The following RBM47 variants were observed in gnomAD, a reference collection of about 807,000 sequenced individuals.
RBM47 encodes RNA-binding protein 47.
A neutral mutation model predicts 47.1 loss-of-function variants in RBM47; 21 were observed. The ratio of observed to expected loss-of-function variants is 0.45; its 90% CI spans 0.32 to 0.64. RBM47 has a LOEUF of 0.64. RBM47 is among the 30% of genes least tolerant of loss of function. The probability of loss-of-function intolerance (pLI) is 0.05; values close to 1 mark genes in which losing one functional copy is unlikely to be tolerated. For missense variants in RBM47, 708 were observed against 870.9 expected (o/e 0.81, Z 2.35); for synonymous variants, 375 against 361.7 (o/e 1.04, Z -0.42).
intron 3 of RBM47, among the ~76,000 whole-genome samples, chr4:40,458,289 C>A (rs572484193): frequency 7.2e-5 from 11 of 152,156 alleles, no homozygotes; most frequent in Non-Finnish European, 1.3e-4. Context: ...ACATTAGCTT[C>A]AGTTTTAGGT....
chr4:40,473,451 C>T (rs1719198202), intron 2 of RBM47, among the ~76,000 whole-genome samples: 1 of 152,192 alleles, frequency 6.6e-6, no homozygotes, highest in South Asian at 2.1e-4. Context: ...TTATATATTA[C>T]AGCTTCAGAG....
At chr4:40,568,710 T>G (rs958844715) in intron 1 of RBM47, among the ~76,000 whole-genome samples, 2 of 151,770 alleles carry the variant, frequency 1.3e-5, no homozygotes, top group Admixed American at 1.3e-4. Context: ...TAAAACACAG[T>G]AGAAGGTCTT....
chr4:40,568,203 ATCAATTGAGCTCAGAAGT>A (rs1731275440), intron 1 of RBM47, among the ~76,000 whole-genome samples: 1 of 151,788 alleles, frequency 6.6e-6, no homozygotes, highest in Non-Finnish European at 1.5e-5. Context: ...AGGCAGGACG[ATCAATTGAGCTCAGAAGT>A]TCGAGACCAG....
At chr4:40,576,887 T>A (rs1194881790) in intron 1 of RBM47, among the ~76,000 whole-genome samples, 1 of 152,148 alleles carries the variant, frequency 6.6e-6, no homozygotes, top group Non-Finnish European at 1.5e-5. Flanking sequence ...ATTTTATAGA[T>A]GAAGAAACTG....
chr4:40,432,849 G>A lies in RBM47; in HGVS notation c.1344C>T (p.Ala448=). ...AIKPGTVAIP[A]IGAQYSMFPA... ...GAAACATGGAATACTGAGCCCCAAT[G>A]GCAGGGATGGCTACTGCAAGAGAAG... The change falls in exon 6 of 7, where the codon GCC becomes GCT. Residue 448 remains alanine, a synonymous_variant. Transcript: ENST00000295971. 1 of 1,613,078 alleles carries A rather than the reference G, an allele frequency of 6.2e-7. No homozygotes were observed. The highest frequency in any genetic ancestry group is 8.5e-7 in the Non-Finnish European group (1 of 1,179,780).
At chr4:40,562,257 G>C (rs1486494305) in intron 1 of RBM47, among the ~76,000 whole-genome samples, 1 of 152,134 alleles carries the variant, frequency 6.6e-6, no homozygotes, top group Non-Finnish European at 1.5e-5. Context: ...CTCTCAGAAG[G>C]AGTGGTCCTC....
chr4:40,599,535 G>C (rs1209919481), intron 1 of RBM47, among the ~76,000 whole-genome samples: 1 of 151,988 alleles, frequency 6.6e-6, no homozygotes, highest in Admixed American at 6.6e-5. Flanking sequence ...CACTCTTCCA[G>C]CTTCCAAACC....
At chr4:40,588,284 T>C (rs1321193453) in intron 1 of RBM47, among the ~76,000 whole-genome samples, 1 of 152,194 alleles carries the variant, frequency 6.6e-6, no homozygotes, top group African/African-American at 2.4e-5. Flanking sequence ...CCCAGGGCTC[T>C]ATCATTTAAA....
At chr4:40,482,200 C>T (rs1221385631) in intron 2 of RBM47, among the ~76,000 whole-genome samples, 1 of 152,168 alleles carries the variant, frequency 6.6e-6, no homozygotes, top group Admixed American at 6.5e-5. Flanking sequence ...GATCAGAGTC[C>T]ATGGGGAAAG....
intron 2 of RBM47, among the ~76,000 whole-genome samples, chr4:40,476,744 T>A (rs1404266784): frequency 6.6e-6 from 1 of 152,090 alleles, no homozygotes; most frequent in Non-Finnish European, 1.5e-5. Flanking sequence ...CTGAAAGCAA[T>A]GTGACTTCTG....
intron 1 of RBM47, among the ~76,000 whole-genome samples, chr4:40,579,105 C>T (rs1375051470): frequency 2.8e-5 from 4 of 141,546 alleles, no homozygotes; most frequent in South Asian, 4.4e-4. Context: ...GGCAACAGAG[C>T]GAGACTCTAT....
intron 2 of RBM47, among the ~76,000 whole-genome samples, chr4:40,518,439 G>T (rs1419857798): frequency 6.6e-6 from 1 of 152,082 alleles, no homozygotes; most frequent in African/African-American, 2.4e-5. Context: ...GCCTCCCAAA[G>T]TGCTGGGACT....
chr4:40,505,922 CAAAA>C (rs1364800884), intron 2 of RBM47, among the ~76,000 whole-genome samples: 1 of 150,840 alleles, frequency 6.6e-6, no homozygotes, highest in Non-Finnish European at 1.5e-5. Context: ...AAACAAAAAA[CAAAA>C]AAACTTACTT....
rs55954393 is a variant in RBM47 at position 40,576,255 on chromosome 4, T to C, written c.-239-31749A>G. On this transcript the variant is annotated intron_variant, in intron 1 of 6. Transcript: ENST00000295971. ...TCTCTTTTCTGTTTTTTTTTTTTTTTTGGGGGGGGGCGGAGACAGGGTCTC... is the reference window on the plus strand; with the variant it reads ...TCTCTTTTCTGTTTTTTTTTTTTTTCTGGGGGGGGGCGGAGACAGGGTCTC... 1.1e-4 allele frequency among the ~76,000 whole-genome samples: 7 copies of C among 61,232 alleles called. No individual in the cohort carries two copies. In the East Asian group the frequency reaches 2.2e-3, roughly 20 times the overall value. 40.2% of individuals were successfully genotyped at this position (61,232 alleles called of 152,430 possible). A position where few individuals can be genotyped will look rare whatever the true frequency, so the allele number is the denominator to read the frequency against.
rs555370178 is a variant in RBM47, at chr4:40,576,019, CA to C, written c.-239-31514del. Among the ~76,000 whole-genome samples, 43 of 152,282 alleles carry C rather than the reference CA, an allele frequency of 2.8e-4. No individual in the cohort carries two copies. In the Middle Eastern group the frequency reaches 0.01, roughly 36 times the overall value. On this transcript the variant is annotated intron_variant, in intron 1 of 6. Transcript: ENST00000295971. ...TTAATAGCTCATCTGGTTCTGTCGC[CA>C]CCCAAGGCAGGGTTCTCCTTTGGAT...
chr4:40,480,480 T>C (rs892738876), intron 2 of RBM47, among the ~76,000 whole-genome samples: 1 of 152,178 alleles, frequency 6.6e-6, no homozygotes, highest in Non-Finnish European at 1.5e-5. Flanking sequence ...ATGTTTCACC[T>C]TGCTGCTCTG....
At chr4:40,556,734 A>T (rs114224157) in intron 1 of RBM47, among the ~76,000 whole-genome samples, 2,984 of 151,894 alleles carry the variant, frequency 0.02, 107 homozygotes, top group African/African-American at 0.069. Flanking sequence ...TATAAAAAAT[A>T]AAAAAATTCA....
intron 2 of RBM47, among the ~76,000 whole-genome samples, chr4:40,534,897 T>C (rs548394899): frequency 2.0e-3 from 289 of 142,800 alleles, no homozygotes; most frequent in African/African-American, 7.5e-3. Context: ...ATCGTGCCAG[T>C]GCACTCCAGC....
At chr4:40,560,908 T>C (rs1469876513) in intron 1 of RBM47, among the ~76,000 whole-genome samples, 1 of 150,668 alleles carries the variant, frequency 6.6e-6, no homozygotes, top group Non-Finnish European at 1.5e-5. Flanking sequence ...GAGGTTGCAG[T>C]GAGCCGAGAA....
Sources: gnomAD v4.1 joint callset for allele counts (sites outside exome capture counted in the v4.1 genomes callset) on GRCh38, gnomAD v4.1.1 for gene constraint, MANE v1.5 for transcripts, NCBI Gene and HGNC (gene_info 2026-07-23, HGNC 2026-07-21) for gene names.